The following SEMA6D variants were observed in gnomAD, a reference collection of about 807,000 sequenced individuals.
SEMA6D encodes the protein semaphorin 6D, also known as semaphorin-6D.
A neutral mutation model predicts 106.6 loss-of-function variants in SEMA6D; 35 were observed. That is an observed-to-expected ratio of 0.33 (90% CI 0.25 to 0.44). The LOEUF (loss-of-function observed/expected upper bound fraction) is 0.44. Among genes scored for constraint, SEMA6D ranks in the 20% least tolerant of loss-of-function variants. The pLI is 1.00. For synonymous variants in SEMA6D, 499 were observed against 487.7 expected (o/e 1.02, Z -0.31); for missense variants, 1,185 against 1,345.9 (o/e 0.88, Z 1.87).
At chr15:47,651,817 A>C (rs2077697351) in intron 4 of SEMA6D, among the ~76,000 whole-genome samples, 1 of 151,762 alleles carries the variant, frequency 6.6e-6, no homozygotes. Context: ...TCCATTTAAG[A>C]CTCTTTGCTT....
chr15:47,494,780 ATATATATAT>A (rs1357881777), intron 3 of SEMA6D, among the ~76,000 whole-genome samples: 12 of 97,898 alleles, frequency 1.2e-4, no homozygotes, highest in African/African-American at 4.9e-4. Context: ...ATATATATAT[ATATATATAT>A]AATCTCCAGA....
Position 47,652,495 on chromosome 15 carries a change from A to G in SEMA6D, c.-55+51599A>G, listed in dbSNP as rs1278123842. ...CTGCCCGCTCCGCTCCCCTTCTTCA[A>G]AAACCCACCCGTCTCCAATTTCCCG... is the stretch of plus-strand genomic sequence containing the variant. On this transcript the variant is annotated intron_variant, in intron 4 of 19. Transcript: ENST00000558014. Among the ~76,000 whole-genome samples the G allele has an allele frequency of 2.0e-5, 3 of 152,198 alleles. No homozygotes were observed. The East Asian group carries it at 5.8e-4, about 29-fold the overall frequency.
chr15:47,441,929 T>C (rs2085807922), intron 2 of SEMA6D, among the ~76,000 whole-genome samples: 3 of 152,114 alleles, frequency 2.0e-5, no homozygotes, highest in Admixed American at 2.0e-4. Context: ...ATTATTGATA[T>C]TATTATAACT....
chr15:47,576,837 G>C (rs1467442881), intron 3 of SEMA6D, among the ~76,000 whole-genome samples: 1 of 152,144 alleles, frequency 6.6e-6, no homozygotes, highest in Non-Finnish European at 1.5e-5. Context: ...AACAAAATGA[G>C]CCTTACGCGG....
intron 1 of SEMA6D, among the ~76,000 whole-genome samples, chr15:47,233,651 C>T (rs2032356453): frequency 6.6e-6 from 1 of 151,572 alleles, no homozygotes; most frequent in African/African-American, 2.4e-5. Context: ...AAGTTTGTTC[C>T]TGGGTATTTT....
chr15:47,276,851 A>C (rs2034840766), intron 1 of SEMA6D, among the ~76,000 whole-genome samples: 1 of 152,182 alleles, frequency 6.6e-6, no homozygotes, highest in African/African-American at 2.4e-5. Flanking sequence ...ATCTGGGCAA[A>C]GTAAAATGAA....
intron 4 of SEMA6D, among the ~76,000 whole-genome samples, chr15:47,619,437 G>A (rs115089357): frequency 0.017 from 2,655 of 152,306 alleles, 26 homozygotes; most frequent in South Asian, 0.047. Flanking sequence ...CCAGAGCCCA[G>A]GTATGAGGAC....
chr15:47,642,174 C>T (rs143905202), intron 4 of SEMA6D, among the ~76,000 whole-genome samples: 4 of 152,286 alleles, frequency 2.6e-5, no homozygotes, highest in Admixed American at 1.3e-4. Context: ...CTTTTTGGTA[C>T]AGATATGTCA....
intron 4 of SEMA6D, among the ~76,000 whole-genome samples, chr15:47,654,409 T>C (rs1169732714): frequency 6.6e-6 from 1 of 152,248 alleles, no homozygotes; most frequent in African/African-American, 2.4e-5. Flanking sequence ...TTCTATAGTG[T>C]ATTCTTATAA....
chr15:47,510,283 G>A lies in SEMA6D; in HGVS notation c.-87+39738G>A, dbSNP rs569264516. ...GGGAGATAGGTTGCACCCTCCTTAT[G>A]AGAATCTAATGCCTGATGATCTGAG... On this transcript the variant is annotated intron_variant, in intron 3 of 19. Coordinates refer to the SEMA6D transcript ENST00000558014. Among the ~76,000 whole-genome samples, 10 of 152,254 alleles carry A rather than the reference G, an allele frequency of 6.6e-5. No individual in the cohort carries two copies. The East Asian group carries it at 1.9e-3, about 30-fold the overall frequency.
intron 3 of SEMA6D, among the ~76,000 whole-genome samples, chr15:47,498,741 G>T (rs2043751928): frequency 6.6e-6 from 1 of 152,110 alleles, no homozygotes; most frequent in Non-Finnish European, 1.5e-5. Context: ...CAAAGGGATT[G>T]ATGTTTTTCT....
intron 10 of SEMA6D, 42 bp downstream of exon 10, chr15:47,764,109 G>A: frequency 6.2e-7 from 1 of 1,613,102 alleles, no homozygotes; most frequent in Non-Finnish European, 8.5e-7. Flanking sequence ...TTCTCTGCAT[G>A]CCTGTCAGAA....
intron 4 of SEMA6D, among the ~76,000 whole-genome samples, chr15:47,628,419 A>G (rs1359671634): frequency 6.6e-6 from 1 of 152,094 alleles, no homozygotes; most frequent in Non-Finnish European, 1.5e-5. Context: ...CCTCACTAGC[A>G]TTTGGTGCTG....
At chr15:47,447,624 G>T (rs2042068259) in intron 2 of SEMA6D, among the ~76,000 whole-genome samples, 1 of 152,080 alleles carries the variant, frequency 6.6e-6, no homozygotes, top group Non-Finnish European at 1.5e-5. Context: ...CTGTTTATTT[G>T]TATCCTCTAA....
intron 4 of SEMA6D, among the ~76,000 whole-genome samples, chr15:47,647,719 CAA>C (rs777557315): frequency 0.032 from 2,994 of 93,686 alleles, 104 homozygotes; most frequent in African/African-American, 0.088. Flanking sequence ...CAATTGTGGG[CAA>C]AAAAAAAAAA....
chr15:47,499,818 G>A (rs1214980086), intron 3 of SEMA6D, among the ~76,000 whole-genome samples: 2 of 151,984 alleles, frequency 1.3e-5, no homozygotes, highest in East Asian at 3.9e-4. Context: ...CTCCCCCATA[G>A]AACACCAGGC....
intron 1 of SEMA6D, among the ~76,000 whole-genome samples, chr15:47,382,146 A>G (rs2039660023): frequency 6.6e-6 from 1 of 152,224 alleles, no homozygotes; most frequent in Non-Finnish European, 1.5e-5. Context: ...GAAATACAGT[A>G]ATAGTATTAT....
chr15:47,520,112 G>C (rs1566852751), intron 3 of SEMA6D, among the ~76,000 whole-genome samples: 1 of 152,154 alleles, frequency 6.6e-6, no homozygotes, highest in South Asian at 2.1e-4. Flanking sequence ...GTGTGTCTGG[G>C]CATGTGCAGT....
intron 1 of SEMA6D, among the ~76,000 whole-genome samples, chr15:47,185,974 A>G (rs560667517): frequency 6.6e-6 from 1 of 152,152 alleles, no homozygotes; most frequent in African/African-American, 2.4e-5. Flanking sequence ...TTTCTTATAT[A>G]TGTGTGTATA....
Sources: allele counts gnomAD v4.1 joint callset (sites outside exome capture counted in the v4.1 genomes callset), GRCh38; gene constraint gnomAD v4.1.1; transcripts MANE v1.5; gene names NCBI Gene and HGNC (gene_info 2026-07-23, HGNC 2026-07-21).